Variants in EPOR observed in about 807,000 individuals in gnomAD.
The protein encoded by EPOR is erythropoietin receptor.
EPOR carries 20 observed loss-of-function variants against 34.3 expected under a neutral mutation model. The observed-to-expected ratio is 0.58, with a 90% CI of 0.41 to 0.85. The LOEUF is 0.85. Ranked by LOEUF, EPOR falls within the 40% of genes least tolerant of loss-of-function variation. The pLI is 0.00. For missense variants in EPOR, 601 were observed against 672.7 expected (o/e 0.89, Z 1.18); for synonymous variants, 312 against 299.0 (o/e 1.04, Z -0.45).
chr19:11,383,089 G>T lies in EPOR; in HGVS notation c.251+8C>A. Reference sequence around the variant, plus strand: ...CGCCCTTGGAGGCACCCGCCGGATCGGACTCACTCGAGCTGGTAGGAGAAG... The same window carrying T: ...CGCCCTTGGAGGCACCCGCCGGATCTGACTCACTCGAGCTGGTAGGAGAAG... On this transcript the variant is annotated splice_region_variant and intron_variant, in intron 2 of 7. Transcript: ENST00000222139. This position sits in a 1 kb window ranked among gnomAD's most constrained non-coding sequence, Gnocchi z 4.9. 1 of 1,613,480 alleles carries T rather than the reference G, an allele frequency of 6.2e-7. No homozygotes were observed. The highest frequency in any genetic ancestry group is 8.5e-7 in the Non-Finnish European group (1 of 1,179,866).
chr19:11,381,734 C>G lies in EPOR; in HGVS notation c.543G>C (p.Glu181Asp). 1 of 1,612,816 alleles carries G rather than the reference C, an allele frequency of 6.2e-7. No individual in the cohort carries two copies. The highest frequency in any genetic ancestry group is 8.5e-7 in the Non-Finnish European group (1 of 1,179,544). Reference sequence around the variant, plus strand: ...CGCCGTTGCCGGCCGAGACGTCCACCTCGTAGCGGATGTGAGACGTCATGG... The same window carrying G: ...CGCCGTTGCCGGCCGAGACGTCCACGTCGTAGCGGATGTGAGACGTCATGG... ...ETPMTSHIRY[E>D]VDVSAGNGAG... is the part of the protein sequence containing the mutation. The change falls in exon 4 of 8, where the codon GAG becomes GAC. Residue 181 changes from glutamate to aspartate, a missense_variant. Physicochemically the swap from Glu to Asp is conservative, Grantham distance 45. Coordinates refer to ENST00000222139, the MANE Select transcript of EPOR (RefSeq NM_000121.4). The surrounding 1 kb of genome is among the most constrained non-coding windows in gnomAD (Gnocchi z 5.3).
intron 6 of EPOR, among the ~76,000 whole-genome samples, chr19:11,380,072 C>T (rs1365401406): frequency 6.6e-6 from 1 of 152,236 alleles, no homozygotes; most frequent in African/African-American, 2.4e-5. Context: ...TTTGCACTTG[C>T]TGTTTCTTCT....
rs371902320 is a variant in EPOR, at chr19:11,378,631, G to A, written c.916-36C>T. Reference sequence around the variant, plus strand: ...AGCACCAACCTGCTCAGAGAGGCCTGCAGTTTGGCTGCAAGAAGCAGGGAA... The same window carrying A: ...AGCACCAACCTGCTCAGAGAGGCCTACAGTTTGGCTGCAAGAAGCAGGGAA... On this transcript the variant is annotated intron_variant, in intron 7 of 7. Coordinates refer to ENST00000222139, the MANE Select transcript of EPOR (RefSeq NM_000121.4). The surrounding 1 kb of genome is among the most constrained non-coding windows in gnomAD (Gnocchi z 5.3). 4.3e-6 allele frequency: 7 copies of A among 1,614,180 alleles called. No individual in the cohort carries two copies. The highest frequency in any genetic ancestry group is 5.9e-6 in the Non-Finnish European group (7 of 1,180,020).
Position 11,378,558 on chromosome 19 carries a change from C to T in EPOR, c.953G>A (p.Ser318Asn), listed in dbSNP as rs759093549. ...GTCCTCCGTGAAGGGGGTGCAGGGG[C>T]TCCACCACAGGCAGCCATCATTCTG... Reference protein sequence around the residue: ...LYQNDGCLWWSPCTPFTEDPP... With the variant: ...LYQNDGCLWWNPCTPFTEDPP... The change falls in exon 8 of 8, where the codon AGC (serine) becomes AAC (asparagine). Residue 318 changes from serine (S) to asparagine (N), a missense_variant. Coordinates refer to ENST00000222139, the MANE Select transcript of EPOR (RefSeq NM_000121.4). The surrounding 1 kb of genome is among the most constrained non-coding windows in gnomAD (Gnocchi z 5.3). 119 of 1,614,060 alleles carry T rather than the reference C, an allele frequency of 7.4e-5. No individual in the cohort carries two copies. Among genetic ancestry groups the T allele is most frequent in the Non-Finnish European group, 9.5e-5 (112 of 1,180,034 alleles).
chr19:11,381,086 A>C lies in EPOR; in HGVS notation c.709T>G (p.Ser237Ala), dbSNP rs2144697071. ...GGCGTCAGCAGCGACACAGGCTCCGACCAGGCGCTCCAGAAGCCGCCGAAG... is the reference window on the plus strand; with the variant it reads ...GGCGTCAGCAGCGACACAGGCTCCGCCCAGGCGCTCCAGAAGCCGCCGAAG... ...PSFGGFWSAW[S>A]EPVSLLTPSD... Residue 237 changes from serine to alanine, a missense_variant, in exon 5 of 8, where the codon TCG becomes GCG. Transcript: ENST00000222139. The surrounding 1 kb of genome is among the most constrained non-coding windows in gnomAD (Gnocchi z 5.3). 3 of 1,600,144 alleles carry C rather than the reference A, an allele frequency of 1.9e-6. No homozygotes were observed. Among genetic ancestry groups the C allele is most frequent in the Non-Finnish European group, 2.6e-6 (3 of 1,173,690 alleles).
At position 11,383,848 on chromosome 19, in the gene EPOR, G is replaced by A. The variant is rs1404009392; in HGVS notation, c.115+245C>T. ...CCCAGACTCCCTGAAAAGGTAAAAC[G>A]GGAATGTTAAGCCCACTCTAGCTCT... On this transcript the variant is annotated intron_variant, in intron 1 of 7. Transcript: ENST00000222139. This position sits in a 1 kb window ranked among gnomAD's most constrained non-coding sequence, Gnocchi z 4.9. Among the ~76,000 whole-genome samples, 6 of 150,522 alleles carry A rather than the reference G, an allele frequency of 4.0e-5. No homozygotes were observed. The highest frequency in any genetic ancestry group is 1.2e-4 in the African/African-American group (5 of 40,806).
At position 11,383,305 on chromosome 19, in the gene EPOR, C is replaced by T; in HGVS notation, c.116-73G>A. The T allele has an allele frequency of 7.0e-7, 1 of 1,426,140 alleles. No homozygotes were observed. The highest frequency in any genetic ancestry group is 9.4e-7 in the Non-Finnish European group (1 of 1,069,108). 88.3% of individuals were successfully genotyped at this position (1,426,140 alleles called of 1,614,324 possible). Reference sequence around the variant, plus strand: ...TCGGGAGACAGCCCCCTCCTCTTCCCTCCCGCAGCCTGGGCGGACCCGATA... The same window carrying T: ...TCGGGAGACAGCCCCCTCCTCTTCCTTCCCGCAGCCTGGGCGGACCCGATA... On this transcript the variant is annotated intron_variant, in intron 1 of 7. Coordinates refer to ENST00000222139, the MANE Select transcript of EPOR (RefSeq NM_000121.4). The surrounding 1 kb of genome is among the most constrained non-coding windows in gnomAD (Gnocchi z 4.9).
rs774921687 is a variant in EPOR at position 11,382,986 on chromosome 19, G to C, written c.251+111C>G. The C allele has an allele frequency of 1.9e-6, 3 of 1,594,588 alleles. No individual in the cohort carries two copies. The Admixed American group carries it at 5.1e-5, about 27-fold the overall frequency. ...GGTTTCCCTCCAGTGACCACGACTG[G>C]AGGCGCCGTCGGGCCTCAAACAGCA... On this transcript the variant is annotated intron_variant, in intron 2 of 7. Transcript: ENST00000222139.
chr19:11,382,595 T>C (rs571271168), intron 2 of EPOR, among the ~76,000 whole-genome samples: 2 of 152,106 alleles, frequency 1.3e-5, no homozygotes, highest in Non-Finnish European at 2.9e-5. Context: ...ACTCCCGACC[T>C]CAGGTGATCC....
intron 2 of EPOR, chr19:11,382,754 A>C: frequency 8.5e-7 from 1 of 1,177,864 alleles, no homozygotes; most frequent in Non-Finnish European, 1.1e-6. Context: ...TCGACCTTCC[A>C]AAGAGTTGGG....
intron 2 of EPOR, chr19:11,382,848 C>G (rs1311968430): frequency 4.0e-6 from 6 of 1,491,580 alleles, no homozygotes; most frequent in Non-Finnish European, 5.4e-6. Flanking sequence ...ACGCCTTACC[C>G]TCGATTTGGA....
At chr19:11,382,519 A>C (rs536321990) in intron 2 of EPOR, among the ~76,000 whole-genome samples, 3 of 151,934 alleles carry the variant, frequency 2.0e-5, no homozygotes, top group South Asian at 4.2e-4. Flanking sequence ...ATGCGCCACC[A>C]CGCCCGGCTA....
At position 11,377,767 on chromosome 19, in the gene EPOR, A is replaced by T. The variant is rs1410824790; in HGVS notation, c.*217T>A. 4.3e-6 allele frequency: 3 copies of T among 696,878 alleles called. No homozygotes were observed. The South Asian group carries it at 4.3e-5, about 10-fold the overall frequency. The allele number at this position is 696,878 out of a possible 1,614,324, so 43.2% of individuals were successfully genotyped here. On this transcript the variant is annotated 3_prime_UTR_variant, in exon 8 of 8. Transcript: ENST00000222139. ...TAGAAATCATGGTAGAAAAACTTAC[A>T]TACATATGTGTATATATATATATAG...
chr19:11,378,682 G>C lies in EPOR; in HGVS notation c.915+9C>G. The C allele has an allele frequency of 6.2e-7, 1 of 1,614,138 alleles. No individual in the cohort carries two copies. Among genetic ancestry groups the C allele is most frequent in the Non-Finnish European group, 8.5e-7 (1 of 1,179,980 alleles). ...GCCCAGGCACTGAGGGGACAACCAG[G>C]CCACCTACCTGGAAGTTACCCTTGT... On this transcript the variant is annotated intron_variant, in intron 7 of 7. Transcript: ENST00000222139. This position sits in a 1 kb window ranked among gnomAD's most constrained non-coding sequence, Gnocchi z 5.3.
rs1478860672 is a variant in EPOR, at chr19:11,384,263, C to T, written c.-56G>A. On this transcript the variant is annotated 5_prime_UTR_variant, in exon 1 of 8. Transcript: ENST00000222139. ...CTCCTGCCCCTCCGTCCCCCGCCCC[C>T]GGCACAGTCCACAGCTGGGTCAGCA... is the stretch of plus-strand genomic sequence containing the variant. The T allele has an allele frequency of 1.7e-6, 2 of 1,199,288 alleles. No homozygotes were observed. The highest frequency in any genetic ancestry group is 2.4e-6 in the Non-Finnish European group (2 of 838,970). 74.3% of individuals were successfully genotyped at this position (1,199,288 alleles called of 1,614,324 possible).
intron 6 of EPOR, among the ~76,000 whole-genome samples, chr19:11,380,049 C>T (rs1032398770): frequency 6.6e-6 from 1 of 152,220 alleles, no homozygotes; most frequent in Non-Finnish European, 1.5e-5. Context: ...AATCTCATTC[C>T]CACCTCAGGG....
chr19:11,382,169 G>A (rs1968372048), intron 2 of EPOR, 64 bp from the exon 3 acceptor site: 2 of 1,321,034 alleles, frequency 1.5e-6, no homozygotes, highest in African/African-American at 2.9e-5. Context: ...TGCCCGGCCT[G>A]TGGGGGGCAG....
chr19:11,382,555 G>T (rs963008962), intron 2 of EPOR, among the ~76,000 whole-genome samples: 7 of 152,036 alleles, frequency 4.6e-5, no homozygotes, highest in African/African-American at 1.4e-4. Flanking sequence ...TAGAGATAGA[G>T]TTTCTCCATG....
chr19:11,377,337 G>C lies in EPOR; in HGVS notation c.*647C>G, dbSNP rs1303256212. 2.2e-6 allele frequency: 1 copy of C among 454,084 alleles called. No individual in the cohort carries two copies. The highest frequency in any genetic ancestry group is 4.4e-6 in the Non-Finnish European group (1 of 226,790). 28.1% of individuals were successfully genotyped at this position (454,084 alleles called of 1,614,324 possible). ...TTCATGTGACTGGGGTCATGTGACT[G>C]TTTCCAGCCAGTGAGGTGTGAGAAG... On this transcript the variant is annotated 3_prime_UTR_variant, in exon 8 of 8. Coordinates refer to ENST00000222139, the MANE Select transcript of EPOR (RefSeq NM_000121.4).
Sources: allele counts gnomAD v4.1 joint callset (sites outside exome capture counted in the v4.1 genomes callset), GRCh38; gene constraint gnomAD v4.1.1; non-coding constraint Gnocchi (gnomAD v3.1); transcripts MANE v1.5; gene names NCBI Gene and HGNC (gene_info 2026-07-23, HGNC 2026-07-21).